The following CAMK2B variants were observed in gnomAD, a reference collection of about 807,000 sequenced individuals.
CAMK2B encodes the protein calcium/calmodulin dependent protein kinase II beta, also known as calcium/calmodulin-dependent protein kinase type II subunit beta.
CAMK2B carries 27 observed loss-of-function variants against 93.7 expected under a neutral mutation model. The ratio of observed to expected loss-of-function variants is 0.29; its 90% CI spans 0.21 to 0.40. The LOEUF (loss-of-function observed/expected upper bound fraction) is 0.40, where lower values mean the gene tolerates loss of function less well. Among genes scored for constraint, CAMK2B ranks in the 10% least tolerant of loss-of-function variants. The probability of loss-of-function intolerance (pLI) is 1.00; values close to 1 mark genes in which losing one functional copy is unlikely to be tolerated. For synonymous variants in CAMK2B, 374 were observed against 358.8 expected (o/e 1.04, Z -0.48); for missense variants, 568 against 895.8 (o/e 0.63, Z 4.67).
chr7:44,245,020 A>G (rs892227504), intron 6 of CAMK2B: 12 of 454,986 alleles, frequency 2.6e-5, no homozygotes, highest in Non-Finnish European at 4.9e-5. Context: ...GTGCAGCTAC[A>G]TGGAGAAGTT....
intron 1 of CAMK2B, among the ~76,000 whole-genome samples, chr7:44,285,543 A>C (rs1015179677): frequency 6.6e-6 from 1 of 152,196 alleles, no homozygotes; most frequent in African/African-American, 2.4e-5. Context: ...TGCGTGGTGG[A>C]AGAGGAGCGT....
At chr7:44,266,941 G>T (rs1340056549) in intron 2 of CAMK2B, 1 of 152,262 alleles carries the variant, frequency 6.6e-6, no homozygotes, top group Non-Finnish European at 1.5e-5. Flanking sequence ...TCCTCAGAAG[G>T]TGCTGAATCC....
Position 44,226,608 on chromosome 7 carries a change from C to T in CAMK2B, c.1505G>A (p.Arg502Lys), listed in dbSNP as rs2096483207. The T allele has an allele frequency of 6.6e-7, 1 of 1,525,968 alleles. No homozygotes were observed. The highest frequency in any genetic ancestry group is 8.7e-7 in the Non-Finnish European group (1 of 1,145,798). 94.5% of individuals were successfully genotyped at this position (1,525,968 alleles called of 1,614,324 possible). The change falls in exon 20 of 24, where the codon AGG becomes AAG. Residue 502 changes from arginine (R) to lysine (K), a missense_variant. Arg to Lys is a conservative substitution (Grantham distance 26). This residue lies in a region of CAMK2B where 308 missense variants were observed against 292.1 expected (regional missense o/e 1.05). Coordinates refer to ENST00000395749, the MANE Select transcript of CAMK2B (RefSeq NM_001220.5). ...CTCGGCTTCTGGGGTCCCTGAGCCC[C>T]TCCTCACAGAGTTCAGGATGTCAGA... is the stretch of plus-strand genomic sequence containing the variant. ...RISDILNSVR[R>K]GSGTPEAEGP...
In CAMK2B at chr7:44,289,989, C is replaced by T. The variant is rs534298021; in HGVS notation, c.66-5764G>A. On this transcript the variant is annotated intron_variant, in intron 1 of 23. Transcript: ENST00000395749. The stretch of plus-strand genomic sequence containing the variant: ...AGTGCTGGGGCCTGTGCCACCCCAG[C>T]CAGGGCTGCCTGCATCAGTCCTGAG... Among the ~76,000 whole-genome samples, 10 of 152,358 alleles carry T rather than the reference C, an allele frequency of 6.6e-5. No homozygotes were observed. In the East Asian group the frequency reaches 1.9e-3, roughly 29 times the overall value.
rs555844715 is a variant in CAMK2B at position 44,228,566 on chromosome 7, C to T, written c.1468+230G>A. 1.5e-4 allele frequency among the ~76,000 whole-genome samples: 23 copies of T among 152,172 alleles called. No individual in the cohort carries two copies. In the East Asian group the frequency reaches 4.3e-3, roughly 28 times the overall value. ...GGGCTGGACAGCGAGCGGGGAGTGGCAGTGGGAGCAGGAGCCGTGGAGGGG... is the reference window on the plus strand; with the variant it reads ...GGGCTGGACAGCGAGCGGGGAGTGGTAGTGGGAGCAGGAGCCGTGGAGGGG... On this transcript the variant is annotated intron_variant, in intron 19 of 23. Transcript: ENST00000395749.
Position 44,271,388 on chromosome 7 carries a change from G to GAGCAC in CAMK2B, c.161-8325_161-8324insGTGCT, listed in dbSNP as rs1209897236. ...GTACTTGGGAGCCAAGCGCAGCCCT[G>GAGCAC]TGTGGCACTGAGCAGCTCGGCCAGA... On this transcript the variant is annotated intron_variant, in intron 2 of 23. Transcript: ENST00000395749. The surrounding 1 kb of genome is among the most constrained non-coding windows in gnomAD (Gnocchi z 4.2). 2.6e-5 allele frequency among the ~76,000 whole-genome samples: 4 copies of GAGCAC among 152,270 alleles called. No homozygotes were observed. Among genetic ancestry groups the GAGCAC allele is most frequent in the African/African-American group, 9.6e-5 (4 of 41,466 alleles).
chr7:44,220,593 C>A (rs778802549), intron 22 of CAMK2B, 23 bp downstream of exon 22: 2 of 1,599,424 alleles, frequency 1.3e-6, no homozygotes, highest in Non-Finnish European at 8.5e-7. Flanking sequence ...CCCCCTCATG[C>A]CCACCCGGGC....
chr7:44,238,968 G>A (rs562170601), intron 13 of CAMK2B, among the ~76,000 whole-genome samples: 1 of 152,322 alleles, frequency 6.6e-6, no homozygotes, highest in Non-Finnish European at 1.5e-5. Flanking sequence ...GGTGGCCAGT[G>A]CCGGCCTTTT....
intron 1 of CAMK2B, among the ~76,000 whole-genome samples, chr7:44,306,275 C>T (rs936542067): frequency 6.6e-6 from 1 of 152,100 alleles, no homozygotes; most frequent in Non-Finnish European, 1.5e-5. Context: ...GTGGGAAGTT[C>T]CCCCTTCCAG....
intron 2 of CAMK2B, among the ~76,000 whole-genome samples, chr7:44,276,416 C>T (rs1562986838): frequency 6.6e-6 from 1 of 152,148 alleles, no homozygotes; most frequent in Non-Finnish European, 1.5e-5. Flanking sequence ...AGGAAAGCCC[C>T]GGAGGCAGCA....
At chr7:44,238,487 C>T (rs991626458) in intron 13 of CAMK2B, among the ~76,000 whole-genome samples, 13 of 152,162 alleles carry the variant, frequency 8.5e-5, no homozygotes, top group Middle Eastern at 3.2e-3. Context: ...ATGGAGAAGA[C>T]GTGGGAGGGC....
At chr7:44,316,953 C>G (rs1034269862) in intron 1 of CAMK2B, among the ~76,000 whole-genome samples, 2 of 152,098 alleles carry the variant, frequency 1.3e-5, no homozygotes, top group Non-Finnish European at 2.9e-5. Flanking sequence ...ACTAGCACTC[C>G]TGAGTCTTCT....
At chr7:44,220,556 G>A in intron 22 of CAMK2B, 60 bp downstream of exon 22, 3 of 1,420,104 alleles carry the variant, frequency 2.1e-6, no homozygotes, top group South Asian at 1.3e-5. Flanking sequence ...CCCTGGGAGG[G>A]GCCGAGAGGC....
chr7:44,289,564 GA>G (rs1488511877), intron 1 of CAMK2B, among the ~76,000 whole-genome samples: 1 of 152,200 alleles, frequency 6.6e-6, no homozygotes, highest in African/African-American at 2.4e-5. Context: ...TGGTCACGCA[GA>G]CCTTGCTCAG....
intron 18 of CAMK2B, 62 bp from the exon 19 acceptor site, chr7:44,228,986 C>T (rs759120479): frequency 2.7e-5 from 42 of 1,544,242 alleles, no homozygotes; most frequent in East Asian, 1.1e-4. Context: ...GGCGGCAAGG[C>T]GGAGGAGGCC....
At chr7:44,289,801 C>T (rs901951852) in intron 1 of CAMK2B, among the ~76,000 whole-genome samples, 3 of 152,240 alleles carry the variant, frequency 2.0e-5, no homozygotes, top group East Asian at 1.9e-4. Flanking sequence ...TGAGCTCCCG[C>T]AGGGCAGCGC....
At chr7:44,309,304 A>G (rs1223960513) in intron 1 of CAMK2B, among the ~76,000 whole-genome samples, 1 of 152,172 alleles carries the variant, frequency 6.6e-6, no homozygotes. Context: ...GGCCCAGGCC[A>G]TCTGCGCTCC....
At chr7:44,242,163 G>A (rs1260980806) in intron 10 of CAMK2B, 55 bp downstream of exon 10, 4 of 1,581,090 alleles carry the variant, frequency 2.5e-6, no homozygotes, top group Middle Eastern at 1.7e-4. Context: ...GGAGTGGTCT[G>A]AGGCCATCTC....
intron 2 of CAMK2B, among the ~76,000 whole-genome samples, chr7:44,268,363 T>C (rs1453757282): frequency 3.3e-5 from 5 of 152,182 alleles, no homozygotes; most frequent in Admixed American, 3.3e-4. Context: ...AGCCTGCAGA[T>C]GCTGGCTGTG....
Sources: allele counts gnomAD v4.1 joint callset (sites outside exome capture counted in the v4.1 genomes callset), GRCh38; gene constraint gnomAD v4.1.1; regional missense constraint gnomAD v4.1.1; non-coding constraint Gnocchi (gnomAD v3.1); transcripts MANE v1.5; gene names NCBI Gene and HGNC (gene_info 2026-07-23, HGNC 2026-07-21).